Variants in PRB2 observed in about 807,000 individuals in gnomAD.
PRB2 encodes proline rich protein BstNI subfamily 2.
PRB2 carries 12 observed loss-of-function variants against 8.3 expected under a neutral mutation model. That is an observed-to-expected ratio of 1.45 (90% confidence interval 0.93 to 2.35). PRB2 has a LOEUF of 2.35. Ranked by LOEUF, PRB2 falls within the 30% of genes most tolerant of loss-of-function variation. The pLI is 0.00. For synonymous variants in PRB2, 146 were observed against 180.0 expected (o/e 0.81, Z 1.51); for missense variants, 470 against 507.0 (o/e 0.93, Z 0.70).
chr12:11,395,349 G>A (rs1864393143), intron 1 of PRB2, 117 bp downstream of exon 1: 3 of 1,257,142 alleles, frequency 2.4e-6, no homozygotes, highest in Non-Finnish European at 3.5e-6. Flanking sequence ...CTGATCCTAG[G>A]CATGAAAACT....
chr12:11,394,605 A>G, intron 1 of PRB2, 75 bp from the exon 2 acceptor site: 1 of 1,556,324 alleles, frequency 6.4e-7, no homozygotes, highest in Non-Finnish European at 8.9e-7. Context: ...TCTACAGGGA[A>G]AACAGACTTC....
In PRB2 at chr12:11,392,931, G is replaced by A. The variant is rs1373730729; in HGVS notation, c.1147C>T (p.Pro383Ser). 3 of 1,609,220 alleles carry A rather than the reference G, an allele frequency of 1.9e-6. No individual in the cohort carries two copies. The highest frequency in any genetic ancestry group is 2.5e-6 in the Non-Finnish European group (3 of 1,178,684). ...EGNNPQGPPP[P>S]AGGNPQQPQA... ...GGCTGCTGGGGATTGCCTCCTGCTG[G>A]AGGTGGGGGACCTTGAGGATTGTTG... Residue 383 changes from proline (P) to serine (S), a missense_variant, in exon 3 of 4, where the codon CCA (proline) becomes TCA (serine). Physicochemically the swap from Pro to Ser is moderately conservative, Grantham distance 74. Transcript: ENST00000389362.
chr12:11,391,577 A>G lies in PRB2; in HGVS notation c.*105T>C, dbSNP rs1864327292. 4 of 380,020 alleles carry G rather than the reference A, an allele frequency of 1.1e-5. No individual in the cohort carries two copies. Among genetic ancestry groups the G allele is most frequent in the Non-Finnish European group, 2.1e-5 (4 of 191,584 alleles). The allele number at this position is 380,020 out of a possible 1,614,324, so 23.5% of individuals were successfully genotyped here. A position where few individuals can be genotyped will look rare whatever the true frequency, so the allele number is the denominator to read the frequency against. On this transcript the variant is annotated 3_prime_UTR_variant, in exon 4 of 4. Coordinates refer to ENST00000389362, the MANE Select transcript of PRB2 (RefSeq NM_006248.4). ...TATTTTATTGGTATACAGAAGTTAG[A>G]GCTATGATGACCTTTTTCCAATGTC...
At chr12:11,394,609 A>G (rs1864381300) in intron 1 of PRB2, 79 bp from the exon 2 acceptor site, 28 of 1,545,182 alleles carry the variant, frequency 1.8e-5, no homozygotes, top group Middle Eastern at 1.7e-4. Context: ...CAGGGAAAAC[A>G]GACTTCTCAC....
rs760418282 is a variant in PRB2 at position 11,393,557 on chromosome 12, C to A, written c.521G>T (p.Arg174Leu). The change falls in exon 3 of 4, where the codon CGA becomes CTA. Residue 174 changes from arginine (R) to leucine (L), a missense_variant. Physicochemically the swap from Arg to Leu is moderately radical, Grantham distance 102. Transcript: ENST00000389362. ...TCCTTGTGGCTTTCCTGGAGGAGAT[C>A]GAGAACTTCGGGACTTGTTGTCTCC... Reference protein sequence around the residue: ...PQGDNKSRSSRSPPGKPQGPP... With the variant: ...PQGDNKSRSSLSPPGKPQGPP... The A allele has an allele frequency of 8.2e-6, 13 of 1,583,186 alleles. No individual in the cohort carries two copies. The highest frequency in any genetic ancestry group is 1.1e-5 in the Non-Finnish European group (13 of 1,168,244).
At chr12:11,394,614 T>A (rs1345739543) in intron 1 of PRB2, 84 bp from the exon 2 acceptor site, 12 of 1,507,014 alleles carry the variant, frequency 8.0e-6, no homozygotes, top group Middle Eastern at 3.4e-4. Context: ...AAAACAGACT[T>A]CTCACCACAC....
chr12:11,393,829 TG>T lies in PRB2; in HGVS notation c.248del (p.Pro83HisfsTer348), dbSNP rs1296212213. 6.7e-7 allele frequency: 1 copy of T among 1,495,434 alleles called. No individual in the cohort carries two copies. Among genetic ancestry groups the T allele is most frequent in the Non-Finnish European group, 9.0e-7 (1 of 1,109,650 alleles). The allele number at this position is 1,495,434 out of a possible 1,614,324, so 92.6% of individuals were successfully genotyped here. ...GACCTTGAGGTTTGTTGCCTCCTTGTGGGGGTGGTCCTTGTGGCTTTCCTGG... is the reference window on the plus strand; with the variant it reads ...GACCTTGAGGTTTGTTGCCTCCTTGTGGGGTGGTCCTTGTGGCTTTCCTGG... ...PPPGKPQGPPPQGGNKPQGPP... is the reference protein window; with the variant it reads ...PPPGKPQGPPXQGGNKPQGPP... On this transcript the variant is annotated frameshift_variant, in exon 3 of 4. Coordinates refer to ENST00000389362, the MANE Select transcript of PRB2 (RefSeq NM_006248.4). LOFTEE classifies it low-confidence loss of function (END_TRUNC).
chr12:11,393,941 T>G lies in PRB2; in HGVS notation c.137A>C (p.Lys46Thr), dbSNP rs553003185. ...TGGAGGAGATGGGGGACCTTGAGGTTTGTTGCCTCCTTGTGGGGGTGCTCC... is the reference window on the plus strand; with the variant it reads ...TGGAGGAGATGGGGGACCTTGAGGTGTGTTGCCTCCTTGTGGGGGTGCTCC... The part of the protein sequence containing the change: ...PQGAPPQGGN[K>T]PQGPPSPPGK... The change falls in exon 3 of 4, where the codon AAA (lysine) becomes ACA (threonine). Residue 46 changes from lysine to threonine, a missense_variant. By Grantham distance (78) the Lys-to-Thr change is moderately conservative. This residue lies in a region of PRB2 where 211 missense variants were observed against 207.7 expected (regional missense o/e 1.02). Transcript: ENST00000389362. The G allele has an allele frequency of 2.0e-5, 32 of 1,575,980 alleles. No homozygotes were observed. In the South Asian group the frequency reaches 3.3e-4, roughly 16 times the overall value.
rs555313029 is a variant in PRB2, at chr12:11,393,668, C to T, written c.410G>A (p.Gly137Glu). 13 of 1,555,814 alleles carry T rather than the reference C, an allele frequency of 8.4e-6. No homozygotes were observed. In the East Asian group the frequency reaches 2.4e-4, roughly 28 times the overall value. Residue 137 changes from glycine (G) to glutamate (E), a missense_variant, in exon 3 of 4, where the codon GGA (glycine) becomes GAA (glutamate). Gly to Glu is a moderately conservative substitution (Grantham distance 98, BLOSUM62 -2). Transcript: ENST00000389362. Reference protein sequence around the residue: ...NQPQGPPPPPGKPQGPPPQGG... With the variant: ...NQPQGPPPPPEKPQGPPPQGG... ...TTGTGGGGGTGGTCCTTGTGGCTTT[C>T]CTGGAGGAGGTGGAGGACCTTGAGG... is the stretch of plus-strand genomic sequence containing the variant.
Position 11,393,057 on chromosome 12 carries a change from G to A in PRB2, c.1021C>T (p.Pro341Ser). ...GGTGGTCCTTGTGGCTTTCCTGGAG[G>A]TGGGGGACCTTGAGGTTTGTTGCCT... is the stretch of plus-strand genomic sequence containing the variant. Reference protein sequence around the residue: ...QGGNKPQGPPPPGKPQGPPPQ... With the variant: ...QGGNKPQGPPSPGKPQGPPPQ... Residue 341 changes from proline (P) to serine (S), a missense_variant, in exon 3 of 4, where the codon CCT becomes TCT. Transcript: ENST00000389362. 1 of 1,602,664 alleles carries A rather than the reference G, an allele frequency of 6.2e-7. No homozygotes were observed. Among genetic ancestry groups the A allele is most frequent in the East Asian group, 2.3e-5 (1 of 44,438 alleles).
At chr12:11,391,987 T>C (rs1281456709) in intron 3 of PRB2, among the ~76,000 whole-genome samples, 1 of 98,312 alleles carries the variant, frequency 1.0e-5, no homozygotes, top group Non-Finnish European at 2.0e-5. Flanking sequence ...CAGTGTCCAG[T>C]GACACAGATT....
intron 2 of PRB2, among the ~76,000 whole-genome samples, chr12:11,394,202 A>G (rs538972065): frequency 1.3e-5 from 2 of 152,162 alleles, no homozygotes; most frequent in East Asian, 3.9e-4. Flanking sequence ...TAAAGAGGAG[A>G]CAGAATGAGG....
intron 1 of PRB2, among the ~76,000 whole-genome samples, 192 bp from the exon 2 acceptor site, chr12:11,394,722 A>G (rs372364089): frequency 1.3e-5 from 2 of 152,174 alleles, no homozygotes; most frequent in Non-Finnish European, 2.9e-5. Context: ...TGACAGAGCA[A>G]CAGCCATGAA....
At position 11,391,540 on chromosome 12, in the gene PRB2, T is replaced by C. The variant is rs141661696; in HGVS notation, c.*142A>G. 35 of 376,608 alleles carry C rather than the reference T, an allele frequency of 9.3e-5. No homozygotes were observed. The East Asian group carries it at 2.8e-3, about 30-fold the overall frequency. 23.3% of individuals were successfully genotyped at this position (376,608 alleles called of 1,614,324 possible). ...GAGAAACAGACACCACAATCAGAAATTGCAAGCTAATTATTTTATTGGTAT... is the reference window on the plus strand; with the variant it reads ...GAGAAACAGACACCACAATCAGAAACTGCAAGCTAATTATTTTATTGGTAT... On this transcript the variant is annotated 3_prime_UTR_variant, in exon 4 of 4. Coordinates refer to ENST00000389362, the MANE Select transcript of PRB2 (RefSeq NM_006248.4).
At position 11,393,610 on chromosome 12, in the gene PRB2, T is replaced by G. The variant is rs776637927; in HGVS notation, c.468A>C (p.Pro156=). The change falls in exon 3 of 4, where the codon CCA becomes CCC. Residue 156 remains proline (P), a synonymous_variant. Coordinates refer to ENST00000389362, the MANE Select transcript of PRB2 (RefSeq NM_006248.4). ...GGNKPQGPPP[P]GKPQGPPPQG... ...GTGGGGGTGGTCCTTGTGGCTTTCCTGGAGGTGGGGGACCTTGAGGTTTGT... is the reference window on the plus strand; with the variant it reads ...GTGGGGGTGGTCCTTGTGGCTTTCCGGGAGGTGGGGGACCTTGAGGTTTGT... 2 of 1,544,202 alleles carry G rather than the reference T, an allele frequency of 1.3e-6. No individual in the cohort carries two copies. The highest frequency in any genetic ancestry group is 1.2e-5 in the South Asian group (1 of 84,864).
At position 11,393,704 on chromosome 12, in the gene PRB2, C is replaced by T. The variant is rs1864359327; in HGVS notation, c.374G>A (p.Gly125Glu). ...PGKPQGPPPQGGNQPQGPPPP... is the reference protein window; with the variant it reads ...PGKPQGPPPQEGNQPQGPPPP... ...TGGAGGACCTTGAGGCTGGTTGCCT[C>T]CTTGTGGGGGTGGTCCTTGTGGCTT... Residue 125 changes from glycine to glutamate, a missense_variant, in exon 3 of 4, where the codon GGA becomes GAA. Physicochemically the swap from Gly to Glu is moderately conservative, Grantham distance 98. This residue lies in a region of PRB2 where 211 missense variants were observed against 207.7 expected (regional missense o/e 1.02). Coordinates refer to ENST00000389362, the MANE Select transcript of PRB2 (RefSeq NM_006248.4). The T allele has an allele frequency of 6.3e-7, 1 of 1,590,252 alleles. No individual in the cohort carries two copies. The highest frequency in any genetic ancestry group is 8.5e-7 in the Non-Finnish European group (1 of 1,170,622).
intron 2 of PRB2, 109 bp from the exon 3 acceptor site, chr12:11,394,086 A>T: frequency 7.0e-7 from 1 of 1,430,218 alleles, no homozygotes; most frequent in Non-Finnish European, 9.8e-7. Context: ...GTGGGGAAAC[A>T]CACAAAAATG....
rs377732306 is a variant in PRB2 at position 11,395,504 on chromosome 12, G to A, written c.26C>T (p.Ala9Val). 2.9e-5 allele frequency: 47 copies of A among 1,613,172 alleles called. No homozygotes were observed. The highest frequency in any genetic ancestry group is 1.1e-4 in the South Asian group (10 of 91,036). ...CTGAGCTGAGCTCAGGGCCAGCAAGGCCACTGACAGCAGAATCAACAGCAT... is the reference window on the plus strand; with the variant it reads ...CTGAGCTGAGCTCAGGGCCAGCAAGACCACTGACAGCAGAATCAACAGCAT... Reference protein sequence around the residue: MLLILLSVALLALSSAQNL... With the variant: MLLILLSVVLLALSSAQNL... The change falls in exon 1 of 4, where the codon GCC becomes GTC. Residue 9 changes from alanine to valine, a missense_variant. Transcript: ENST00000389362.
chr12:11,394,548 G>A lies in PRB2; in HGVS notation c.65-18C>T, dbSNP rs766943384. ...GCTGACATCTAGAAGAGAAGCACAG[G>A]ATGATGGGAACAGTTACATCTTGAA... On this transcript the variant is annotated intron_variant, in intron 1 of 3. Transcript: ENST00000389362. 5.0e-6 allele frequency: 8 copies of A among 1,612,774 alleles called. No individual in the cohort carries two copies. The East Asian group carries it at 1.6e-4, about 31-fold the overall frequency.
Sources: gnomAD v4.1 joint callset for allele counts (sites outside exome capture counted in the v4.1 genomes callset) on GRCh38, gnomAD v4.1.1 for gene constraint, gnomAD v4.1.1 regional missense constraint, MANE v1.5 for transcripts, NCBI Gene and HGNC (gene_info 2026-07-23, HGNC 2026-07-21) for gene names.